GALM: variants seen among roughly 807,000 people sequenced by gnomAD.
GALM encodes the protein aldose 1-epimerase.
In GALM, 43 loss-of-function variants were observed where a neutral mutation model predicts 37.4. The ratio of observed to expected loss-of-function variants is 1.15; its 90% confidence interval spans 0.90 to 1.48. The LOEUF (loss-of-function observed/expected upper bound fraction) is 1.48, where lower values mean the gene tolerates loss of function less well. Ranked by LOEUF, GALM falls within the 40% of genes most tolerant of loss-of-function variation. The probability of loss-of-function intolerance (pLI) is 0.00; values close to 1 mark genes in which losing one functional copy is unlikely to be tolerated. For missense variants in GALM, 456 were observed against 419.1 expected (o/e 1.09, Z -0.77); for synonymous variants, 199 against 170.6 (o/e 1.17, Z -1.30).
At chr2:38,714,020 A>C (rs1666220783) in intron 4 of GALM, among the ~76,000 whole-genome samples, 1 of 150,490 alleles carries the variant, frequency 6.6e-6, no homozygotes, top group Non-Finnish European at 1.5e-5. Flanking sequence ...CAACTAAATA[A>C]AAAAAAAATA....
At chr2:38,715,764 G>A (rs1666258768) in intron 4 of GALM, among the ~76,000 whole-genome samples, 1 of 152,134 alleles carries the variant, frequency 6.6e-6, no homozygotes, top group African/African-American at 2.4e-5. Context: ...CCAGAGTTAC[G>A]CTGTTATTTC....
intron 4 of GALM, among the ~76,000 whole-genome samples, chr2:38,693,177 G>A (rs1412548935): frequency 2.0e-5 from 3 of 152,194 alleles, no homozygotes; most frequent in Non-Finnish European, 4.4e-5. Flanking sequence ...TTCCTGAGAC[G>A]TGCTACAAGA....
chr2:38,673,459 G>A (rs889700374), intron 1 of GALM, among the ~76,000 whole-genome samples: 14 of 152,088 alleles, frequency 9.2e-5, no homozygotes, highest in African/African-American at 3.4e-4. Flanking sequence ...ATATGCCCAC[G>A]CCCAAAGTTG....
At chr2:38,690,329 A>T (rs911360409) in intron 4 of GALM, among the ~76,000 whole-genome samples, 2 of 152,098 alleles carry the variant, frequency 1.3e-5, no homozygotes, top group Non-Finnish European at 2.9e-5. Flanking sequence ...ATTAAAAAAA[A>T]ATTTTTTTAA....
At chr2:38,688,390 A>G (rs1665592942) in intron 3 of GALM, among the ~76,000 whole-genome samples, 1 of 152,118 alleles carries the variant, frequency 6.6e-6, no homozygotes, top group South Asian at 2.1e-4. Context: ...GCATGCCTGT[A>G]ATCCCAGCTA....
intron 2 of GALM, among the ~76,000 whole-genome samples, chr2:38,677,464 G>A (rs1406572052): frequency 6.6e-6 from 1 of 152,120 alleles, no homozygotes; most frequent in Non-Finnish European, 1.5e-5. Flanking sequence ...TTCATGCCAG[G>A]GAGGCAGAGG....
chr2:38,703,067 TATATATATATATATATATATATATA>T (rs1345171455), intron 4 of GALM, among the ~76,000 whole-genome samples: 59 of 5,218 alleles, frequency 0.011, 1 homozygote, highest in African/African-American at 0.019. Context: ...TATATATATA[TATATATATATATATATATATATATA>T]TTTTTTTTTT....
intron 4 of GALM, among the ~76,000 whole-genome samples, chr2:38,697,627 G>T (rs1223490225): frequency 1.3e-5 from 2 of 152,134 alleles, no homozygotes; most frequent in Non-Finnish European, 2.9e-5. Context: ...CTTTTATTTT[G>T]CAGTAACTGT....
rs1242714792 is a variant in GALM at position 38,680,088 on chromosome 2, G to A, written c.346-1192G>A. ...GGAGTGCAATGGTGTGTGCGATCTC[G>A]GCTCACTGCAGCCTCAACCTCCTGG... is the stretch of plus-strand genomic sequence containing the variant. On this transcript the variant is annotated intron_variant, in intron 2 of 6. Transcript: ENST00000272252. The A allele has an allele frequency of 1.1e-5, 5 of 453,184 alleles. No individual in the cohort carries two copies. The East Asian group carries it at 2.8e-4, about 26-fold the overall frequency. The allele number at this position is 453,184 out of a possible 1,614,324, so 28.1% of individuals were successfully genotyped here.
At chr2:38,683,031 T>C (rs1572516516) in intron 3 of GALM, among the ~76,000 whole-genome samples, 1 of 152,290 alleles carries the variant, frequency 6.6e-6, no homozygotes, top group East Asian at 1.9e-4. Flanking sequence ...TTGTTTTATG[T>C]AGGTAAAAAA....
intron 4 of GALM, among the ~76,000 whole-genome samples, chr2:38,717,439 G>A (rs185909691): frequency 2.1e-4 from 32 of 151,314 alleles, no homozygotes; most frequent in African/African-American, 7.5e-4. Context: ...TCACTCTATC[G>A]CCCAGGCTGG....
rs1334426177 is a variant in GALM at position 38,681,264 on chromosome 2, A to C, written c.346-16A>C. 2 of 1,609,578 alleles carry C rather than the reference A, an allele frequency of 1.2e-6. No homozygotes were observed. The highest frequency in any genetic ancestry group is 1.7e-6 in the Non-Finnish European group (2 of 1,177,328). On this transcript the variant is annotated splice_polypyrimidine_tract_variant and intron_variant, in intron 2 of 6. Coordinates refer to ENST00000272252, the MANE Select transcript of GALM (RefSeq NM_138801.3). ...GGATGGAGCAACTACACAACTTTGA[A>C]AACACTTTTTTCCAGGTGCTCTGGA...
At chr2:38,710,241 T>A (rs1666120716) in intron 4 of GALM, among the ~76,000 whole-genome samples, 1 of 152,180 alleles carries the variant, frequency 6.6e-6, no homozygotes, top group Non-Finnish European at 1.5e-5. Flanking sequence ...GTGATGCATG[T>A]GGTCATCAGA....
intron 1 of GALM, among the ~76,000 whole-genome samples, chr2:38,672,630 C>G (rs1223229196): frequency 6.6e-6 from 1 of 152,122 alleles, no homozygotes; most frequent in Non-Finnish European, 1.5e-5. Flanking sequence ...TGTTTTGGGG[C>G]AAGTTATTTA....
intron 4 of GALM, among the ~76,000 whole-genome samples, chr2:38,700,051 A>G (rs1665884328): frequency 2.0e-5 from 3 of 152,132 alleles, no homozygotes; most frequent in African/African-American, 7.2e-5. Context: ...TCCCAGGTTC[A>G]AGCAATTCTC....
chr2:38,721,636 C>T (rs373080139), intron 4 of GALM, among the ~76,000 whole-genome samples: 7 of 152,292 alleles, frequency 4.6e-5, no homozygotes, highest in African/African-American at 1.7e-4. Flanking sequence ...ACCTCAGCCT[C>T]CCTAGTAGCT....
intron 1 of GALM, among the ~76,000 whole-genome samples, chr2:38,666,830 A>C (rs1475149401): frequency 6.6e-6 from 1 of 152,122 alleles, no homozygotes; most frequent in Non-Finnish European, 1.5e-5. Context: ...GAAATGCTCC[A>C]CTAAGCTCAG....
At position 38,666,426 on chromosome 2, in the gene GALM, C is replaced by T. The variant is rs557961729; in HGVS notation, c.190+75C>T. 500 of 1,182,310 alleles carry T rather than the reference C, an allele frequency of 4.2e-4. 2 individuals carry two copies. The highest frequency in any genetic ancestry group is 5.7e-4 in the Middle Eastern group (2 of 3,484). The allele number at this position is 1,182,310 out of a possible 1,614,324, so 73.2% of individuals were successfully genotyped here. A position where few individuals can be genotyped will look rare whatever the true frequency, so the allele number is the denominator to read the frequency against. ...CATACCTCCCGGATCTAGCGGGCCA[C>T]TTGCAATGCGAGGGACCAAGGGGGA... On this transcript the variant is annotated intron_variant, in intron 1 of 6. Transcript: ENST00000272252.
chr2:38,731,874 C>T lies in GALM; in HGVS notation c.916C>T (p.Leu306=). 2 of 1,614,182 alleles carry T rather than the reference C, an allele frequency of 1.2e-6. No homozygotes were observed. Among genetic ancestry groups the T allele is most frequent in the South Asian group, 2.2e-5 (2 of 91,090 alleles). The change falls in exon 6 of 7, where the codon CTG becomes TTG. Residue 306 remains leucine (L), a synonymous_variant. Transcript: ENST00000272252. The stretch of plus-strand genomic sequence containing the variant: ...CTATCCCAAGCACTCCGGTTTCTGC[C>T]TGGAGACTCAGAACTGGCCTGATGC... ...AVYPKHSGFC[L]ETQNWPDAVN... is the part of the protein sequence containing the mutation.
Sources: gnomAD v4.1 joint callset for allele counts (sites outside exome capture counted in the v4.1 genomes callset) on GRCh38, gnomAD v4.1.1 for gene constraint, MANE v1.5 for transcripts, NCBI Gene and HGNC (gene_info 2026-07-23, HGNC 2026-07-21) for gene names.